The following DENND4C variants were observed in gnomAD, a reference collection of about 807,000 sequenced individuals.
DENND4C encodes DENN domain-containing protein 4C.
In DENND4C, 108 loss-of-function variants were observed where a neutral mutation model predicts 203.0. The observed-to-expected ratio is 0.53, with a 90% CI of 0.46 to 0.62. DENND4C has a LOEUF of 0.62. Among genes scored for constraint, DENND4C ranks in the 20% least tolerant of loss-of-function variants. The pLI is 0.00. For missense variants in DENND4C, 2,481 were observed against 2,301.2 expected, an observed-to-expected ratio of 1.08 and a Z score of -1.60; for synonymous variants, 871 against 792.4, an observed-to-expected ratio of 1.10 and a Z score of -1.67.
chr9:19,283,965 T>C (rs1388363481), intron 2 of DENND4C, among the ~76,000 whole-genome samples: 1 of 152,232 alleles, frequency 6.6e-6, no homozygotes. Flanking sequence ...GTCAGATTCA[T>C]TGGCTTTCAA....
At chr9:19,238,970 C>CT (rs967585611) in intron 1 of DENND4C, among the ~76,000 whole-genome samples, 3 of 151,632 alleles carry the variant, frequency 2.0e-5, no homozygotes, top group East Asian at 3.9e-4. Context: ...TTCCTTTGTT[C>CT]TTTTTTTAAT....
At chr9:19,308,047 T>C (rs1237556406) in intron 10 of DENND4C, among the ~76,000 whole-genome samples, 1 of 152,198 alleles carries the variant, frequency 6.6e-6, no homozygotes, top group East Asian at 1.9e-4. Context: ...ACTTTTTTGC[T>C]CACCATTCTT....
At chr9:19,293,048 G>T (rs1394107897) in intron 5 of DENND4C, among the ~76,000 whole-genome samples, 1 of 152,046 alleles carries the variant, frequency 6.6e-6, no homozygotes, top group East Asian at 1.9e-4. Flanking sequence ...ACTGAGTGAA[G>T]GTCAATATTA....
At position 19,242,309 on chromosome 9, in the gene DENND4C, T is replaced by C. The variant is rs1588718336; in HGVS notation, c.-18+11476T>C. Reference sequence around the variant, plus strand: ...TTGTATGGATATATTCCAGTTTGTTTATCCATTCACCTGTCAAAGGACATC... The same window carrying C: ...TTGTATGGATATATTCCAGTTTGTTCATCCATTCACCTGTCAAAGGACATC... On this transcript the variant is annotated intron_variant, in intron 1 of 32. Transcript: ENST00000434457. Among the ~76,000 whole-genome samples the C allele has an allele frequency of 2.6e-5, 4 of 152,370 alleles. No individual in the cohort carries two copies. In the South Asian group the frequency reaches 8.3e-4, roughly 32 times the overall value.
At chr9:19,295,858 T>A (rs1837356914) in intron 5 of DENND4C, 150 bp from the exon 6 acceptor site, 12 of 595,176 alleles carry the variant, frequency 2.0e-5, no homozygotes. Flanking sequence ...TGGTTATCTC[T>A]GGGACAGAAA....
rs1219771138 is a variant in DENND4C, at chr9:19,357,072, G to A, written c.4882G>A (p.Glu1628Lys). The A allele has an allele frequency of 6.2e-7, 1 of 1,613,816 alleles. No individual in the cohort carries two copies. Among genetic ancestry groups the A allele is most frequent in the African/African-American group, 1.3e-5 (1 of 74,902 alleles). The stretch of plus-strand genomic sequence containing the variant: ...GCACAAACCTGTATCCAGTTTAGCA[G>A]AACCTGACTTGATCAACTTTATGGA... ...LEHKPVSSLA[E>K]PDLINFMDFP... is the part of the protein sequence containing the mutation. Residue 1628 changes from glutamate (E) to lysine (K), a missense_variant, in exon 27 of 33, where the codon GAA (glutamate) becomes AAA (lysine). Around this residue, in one of 3 missense-constraint regions of DENND4C, gnomAD observed 2,289 missense variants for 2,113.3 expected, o/e 1.08. Coordinates refer to ENST00000434457, the MANE Select transcript of DENND4C (RefSeq NM_001330640.2).
chr9:19,313,814 T>G (rs1274661792), intron 10 of DENND4C, among the ~76,000 whole-genome samples: 1 of 152,204 alleles, frequency 6.6e-6, no homozygotes, highest in Admixed American at 6.5e-5. Context: ...GTCAAACTCA[T>G]AACCCATTAG....
intron 1 of DENND4C, among the ~76,000 whole-genome samples, chr9:19,264,793 A>T (rs1830150251): frequency 6.7e-6 from 1 of 148,468 alleles, no homozygotes; most frequent in South Asian, 2.1e-4. Flanking sequence ...TTTCAATTTG[A>T]TTTATTTCTG....
At chr9:19,265,927 T>C (rs1315208064) in intron 1 of DENND4C, among the ~76,000 whole-genome samples, 1 of 152,248 alleles carries the variant, frequency 6.6e-6, no homozygotes, top group Non-Finnish European at 1.5e-5. Context: ...TGTGCATGTG[T>C]GTCTTTATAG....
chr9:19,265,856 T>A (rs896538366), intron 1 of DENND4C, among the ~76,000 whole-genome samples: 5 of 152,246 alleles, frequency 3.3e-5, no homozygotes, highest in African/African-American at 1.2e-4. Flanking sequence ...TCTATCATTG[T>A]TGGACATTTG....
At chr9:19,353,887 A>G (rs961715018) in intron 26 of DENND4C, among the ~76,000 whole-genome samples, 10 of 152,118 alleles carry the variant, frequency 6.6e-5, no homozygotes, top group Admixed American at 4.6e-4. Context: ...AGTGAGCTGA[A>G]ATCACACCAT....
Position 19,358,073 on chromosome 9 carries a change from A to G in DENND4C, c.5073A>G (p.Gly1691=). ...CTTTGACTCGAAGTCACAGTGTTGGAGGCCCATTGCAGAATATTGACTTTA... is the reference window on the plus strand; with the variant it reads ...CTTTGACTCGAAGTCACAGTGTTGGGGGCCCATTGCAGAATATTGACTTTA... ...NVSLTRSHSV[G]GPLQNIDFTQ... is the part of the protein sequence containing the mutation. Residue 1691 remains glycine, a synonymous_variant, in exon 28 of 33, where the codon GGA becomes GGG. Transcript: ENST00000434457. The surrounding 1 kb of genome is among the most constrained non-coding windows in gnomAD (Gnocchi z 4.8). The G allele has an allele frequency of 8.1e-6, 13 of 1,614,002 alleles. No individual in the cohort carries two copies. The highest frequency in any genetic ancestry group is 1.1e-5 in the Non-Finnish European group (13 of 1,179,864).
At position 19,356,952 on chromosome 9, in the gene DENND4C, C is replaced by G. The variant is rs889638720; in HGVS notation, c.4782-20C>G. On this transcript the variant is annotated intron_variant, in intron 26 of 32. Transcript: ENST00000434457. ...TTGAGGATTTTTAAAGGCTCTTTTT[C>G]CCCCCTTTTCCTTATGTAGCTTTTT... The G allele has an allele frequency of 6.2e-7, 1 of 1,600,174 alleles. No homozygotes were observed. Among genetic ancestry groups the G allele is most frequent in the African/African-American group, 1.3e-5 (1 of 74,078 alleles).
chr9:19,332,119 G>A lies in DENND4C; in HGVS notation c.2395G>A (p.Ala799Thr), dbSNP rs1404157431. 1 of 1,613,902 alleles carries A rather than the reference G, an allele frequency of 6.2e-7. No homozygotes were observed. Among genetic ancestry groups the A allele is most frequent in the African/African-American group, 1.3e-5 (1 of 74,922 alleles). Residue 799 changes from alanine to threonine, a missense_variant, in exon 17 of 33, where the codon GCA becomes ACA. Transcript: ENST00000434457. ...TAGAGTTTCTCATCCTAAAGTCAGAGCACTTCAGCAGGCATATGATGTACT... is the reference window on the plus strand; with the variant it reads ...TAGAGTTTCTCATCCTAAAGTCAGAACACTTCAGCAGGCATATGATGTACT... ...YVRVSHPKVR[A>T]LQQAYDVLIK...
At chr9:19,363,405 C>T (rs1050820323) in intron 30 of DENND4C, among the ~76,000 whole-genome samples, 1 of 151,782 alleles carries the variant, frequency 6.6e-6, no homozygotes, top group South Asian at 2.1e-4. Context: ...TCCAGCTGCT[C>T]GGGAGGCTAA....
At chr9:19,353,277 A>G (rs1440824961) in intron 26 of DENND4C, among the ~76,000 whole-genome samples, 1 of 152,194 alleles carries the variant, frequency 6.6e-6, no homozygotes. Context: ...TATACTTAAT[A>G]TTCCATTCAT....
At chr9:19,336,580 AT>A in intron 19 of DENND4C, 105 bp from the exon 20 acceptor site, 1 of 1,440,126 alleles carries the variant, frequency 6.9e-7, no homozygotes, top group South Asian at 1.5e-5. Context: ...TTTTCCAGAA[AT>A]TTAGAAAGTG....
intron 10 of DENND4C, among the ~76,000 whole-genome samples, chr9:19,309,971 G>A (rs1449564124): frequency 1.3e-5 from 2 of 151,982 alleles, no homozygotes; most frequent in African/African-American, 4.8e-5. Context: ...ATTTTTTGGT[G>A]AACTTTGTGT....
rs60223074 is a variant in DENND4C at position 19,262,076 on chromosome 9, C to CTT, written c.-17-14054_-17-14053dup. 8.5e-4 allele frequency among the ~76,000 whole-genome samples: 47 copies of CTT among 55,524 alleles called. 4 individuals are homozygous for CTT. Among genetic ancestry groups the CTT allele is most frequent in the East Asian group, 1.6e-3 (2 of 1,284 alleles). 36.4% of individuals were successfully genotyped at this position (55,524 alleles called of 152,430 possible). ...TGAAACTTTAGTGAATTTATTAGTTCTTTTTTTTTTTTTTTTTTTTTTTTT... is the reference window on the plus strand; with the variant it reads ...TGAAACTTTAGTGAATTTATTAGTTCTTTTTTTTTTTTTTTTTTTTTTTTTTT... On this transcript the variant is annotated intron_variant, in intron 1 of 32. Coordinates refer to ENST00000434457, the MANE Select transcript of DENND4C (RefSeq NM_001330640.2).
Sources: allele counts gnomAD v4.1 joint callset (sites outside exome capture counted in the v4.1 genomes callset), GRCh38; gene constraint gnomAD v4.1.1; regional missense constraint gnomAD v4.1.1; non-coding constraint Gnocchi (gnomAD v3.1); transcripts MANE v1.5; gene names NCBI Gene and HGNC (gene_info 2026-07-23, HGNC 2026-07-21).